The following SPRING1 variants were observed in gnomAD, a reference collection of about 807,000 sequenced individuals.
SPRING1 encodes SREBP regulating gene protein.
SPRING1 carries 14 observed loss-of-function variants against 24.7 expected under a neutral mutation model. That is an observed-to-expected ratio of 0.57 (90% CI 0.37 to 0.88). The LOEUF (loss-of-function observed/expected upper bound fraction) is 0.88. Among genes scored for constraint, SPRING1 ranks in the 40% least tolerant of loss-of-function variants. The pLI, the probability that SPRING1 is intolerant of heterozygous loss-of-function variation, is 0.00. For missense variants in SPRING1, 255 were observed against 268.4 expected (o/e 0.95, Z 0.35); for synonymous variants, 93 against 106.1 (o/e 0.88, Z 0.76).
chr12:116,720,765 T>C lies in SPRING1; in HGVS notation c.269-318A>G, dbSNP rs1278845062. ...ACGGCTACGTTCTCCTATTCTAACC[T>C]ATGCAAGCCAACGTCTCATCTGTGC... On this transcript the variant is annotated intron_variant, in intron 2 of 4. Transcript: ENST00000261318. This position sits in a 1 kb window ranked among gnomAD's most constrained non-coding sequence, Gnocchi z 4.0. 6.6e-6 allele frequency among the ~76,000 whole-genome samples: 1 copy of C among 152,186 alleles called. No homozygotes were observed. The highest frequency in any genetic ancestry group is 1.9e-4 in the East Asian group (1 of 5,190).
At chr12:116,719,987 G>A (rs1404855270) in intron 3 of SPRING1, 111 bp from the exon 4 acceptor site, 2 of 973,724 alleles carry the variant, frequency 2.1e-6, no homozygotes, top group Non-Finnish European at 3.2e-6. Flanking sequence ...GGGGGAAGAG[G>A]AGGAGAAAAG....
In SPRING1 at chr12:116,720,136, T is replaced by A; in HGVS notation, c.420+160A>T. 1.0e-6 allele frequency: 1 copy of A among 968,622 alleles called. No homozygotes were observed. Among genetic ancestry groups the A allele is most frequent in the African/African-American group, 1.7e-5 (1 of 60,464 alleles). The allele number at this position is 968,622 out of a possible 1,614,324, so 60.0% of individuals were successfully genotyped here. A position where few individuals can be genotyped will look rare whatever the true frequency, so the allele number is the denominator to read the frequency against. On this transcript the variant is annotated intron_variant, in intron 3 of 4. Transcript: ENST00000261318. The surrounding 1 kb of genome is among the most constrained non-coding windows in gnomAD (Gnocchi z 4.0). ...TTCAAGCAACTGGGAACCACCTCCT[T>A]TCCTTAGATAAAAGCTATTGTGCAG...
chr12:116,736,039 T>TAA (rs34397599), intron 1 of SPRING1, among the ~76,000 whole-genome samples: 28 of 35,594 alleles, frequency 7.9e-4, no homozygotes, highest in African/African-American at 2.8e-3. Flanking sequence ...ACTCAGTCTT[T>TAA]AAAAAAAAAA....
rs1026053843 is a variant in SPRING1, at chr12:116,728,199, C to T, written c.112-4976G>A. Among the ~76,000 whole-genome samples the T allele has an allele frequency of 1.3e-5, 2 of 152,116 alleles. No homozygotes were observed. Among genetic ancestry groups the T allele is most frequent in the Non-Finnish European group, 2.9e-5 (2 of 68,020 alleles). On this transcript the variant is annotated intron_variant, in intron 1 of 4. Transcript: ENST00000261318. The surrounding 1 kb of genome is among the most constrained non-coding windows in gnomAD (Gnocchi z 4.2). ...GTCAAATGCCTCGCATAGTTAGGCCCGCCCTGCCACTAGATCATGTCATCC... is the reference window on the plus strand; with the variant it reads ...GTCAAATGCCTCGCATAGTTAGGCCTGCCCTGCCACTAGATCATGTCATCC...
In SPRING1 at chr12:116,716,019, C is replaced by G. The variant is rs909058263; in HGVS notation, c.*1791G>C. On this transcript the variant is annotated 3_prime_UTR_variant, in exon 5 of 5. Transcript: ENST00000261318. ...AGGAGAGGCTGATTCCAATGTCAACCCAGGGAAGACAGACACTGAAATTCC... is the reference window on the plus strand; with the variant it reads ...AGGAGAGGCTGATTCCAATGTCAACGCAGGGAAGACAGACACTGAAATTCC... 1.1e-4 allele frequency: 16 copies of G among 152,082 alleles called. No homozygotes were observed. The highest frequency in any genetic ancestry group is 3.9e-4 in the African/African-American group (16 of 41,380). 9.4% of individuals were successfully genotyped at this position (152,082 alleles called of 1,614,324 possible).
intron 1 of SPRING1, among the ~76,000 whole-genome samples, chr12:116,726,793 G>C (rs1870717162): frequency 6.6e-6 from 1 of 152,158 alleles, no homozygotes. Context: ...TTTACGACAA[G>C]GTTAAAAGTG....
At position 116,716,303 on chromosome 12, in the gene SPRING1, A is replaced by G. The variant is rs560787099; in HGVS notation, c.*1507T>C. The G allele has an allele frequency of 3.3e-5, 5 of 152,336 alleles. No homozygotes were observed. The highest frequency in any genetic ancestry group is 1.9e-4 in the East Asian group (1 of 5,184). The allele number at this position is 152,336 out of a possible 1,614,324, so 9.4% of individuals were successfully genotyped here. A position where few individuals can be genotyped will look rare whatever the true frequency, so the allele number is the denominator to read the frequency against. On this transcript the variant is annotated 3_prime_UTR_variant, in exon 5 of 5. Transcript: ENST00000261318. ...GAGGAAGCTAAGGGAAATCACCACTACATATTGCAGGAATGTATTAGAAGG... is the reference window on the plus strand; with the variant it reads ...GAGGAAGCTAAGGGAAATCACCACTGCATATTGCAGGAATGTATTAGAAGG...
At chr12:116,725,933 T>C (rs1870668016) in intron 1 of SPRING1, among the ~76,000 whole-genome samples, 1 of 151,972 alleles carries the variant, frequency 6.6e-6, no homozygotes, top group Non-Finnish European at 1.5e-5. Context: ...ATTCAAAAAA[T>C]TGTTTGAAAA....
chr12:116,737,389 G>C (rs1165772739), intron 1 of SPRING1, among the ~76,000 whole-genome samples: 1 of 151,546 alleles, frequency 6.6e-6, no homozygotes, highest in Non-Finnish European at 1.5e-5. Context: ...AGGGAGTAAA[G>C]GAAGAAGGAA....
intron 4 of SPRING1, among the ~76,000 whole-genome samples, chr12:116,719,378 A>G (rs1870308324): frequency 1.3e-5 from 2 of 152,184 alleles, no homozygotes; most frequent in African/African-American, 4.8e-5. Flanking sequence ...ACAAATTGCT[A>G]CTTACTCTAA....
intron 4 of SPRING1, among the ~76,000 whole-genome samples, chr12:116,719,455 T>C (rs1476385441): frequency 1.3e-5 from 2 of 152,206 alleles, no homozygotes; most frequent in East Asian, 3.8e-4. Flanking sequence ...TCTTAGAAGC[T>C]GACTATTAGG....
At chr12:116,725,800 G>C (rs1870660437) in intron 1 of SPRING1, among the ~76,000 whole-genome samples, 1 of 151,986 alleles carries the variant, frequency 6.6e-6, no homozygotes, top group Non-Finnish European at 1.5e-5. Flanking sequence ...GCAGGAGAAT[G>C]GCATGAACCC....
At chr12:116,731,544 C>A (rs2137044061) in intron 1 of SPRING1, among the ~76,000 whole-genome samples, 1 of 152,078 alleles carries the variant, frequency 6.6e-6, no homozygotes, top group African/African-American at 2.4e-5. Context: ...AGGAGTTGGA[C>A]ACCAGCCTGG....
rs571613576 is a variant in SPRING1, at chr12:116,711,622, T to C, written c.*6188A>G. 6.6e-6 allele frequency: 1 copy of C among 152,324 alleles called. No homozygotes were observed. Among genetic ancestry groups the C allele is most frequent in the South Asian group, 2.1e-4 (1 of 4,820 alleles). The allele number at this position is 152,324 out of a possible 1,614,324, so 9.4% of individuals were successfully genotyped here. Reference sequence around the variant, plus strand: ...TGATTTCTCATTTAGACAACACTTTTTTCCCCTCCTCAGACAGGGTCTCAC... The same window carrying C: ...TGATTTCTCATTTAGACAACACTTTCTTCCCCTCCTCAGACAGGGTCTCAC... On this transcript the variant is annotated 3_prime_UTR_variant, in exon 5 of 5. Coordinates refer to ENST00000261318, the MANE Select transcript of SPRING1 (RefSeq NM_024738.4).
Position 116,720,384 on chromosome 12 carries a change from G to C in SPRING1, c.332C>G (p.Thr111Arg), listed in dbSNP as rs752437374. The C allele has an allele frequency of 1.3e-5, 21 of 1,614,074 alleles. No homozygotes were observed. Among genetic ancestry groups the C allele is most frequent in the Non-Finnish European group, 1.6e-5 (19 of 1,180,040 alleles). ...GCAGCCATCACAGCAGTACTGCTTC[G>C]TGCTAGGGACGTTGACATTACAGCA... is the stretch of plus-strand genomic sequence containing the variant. The part of the protein sequence containing the change: ...NGCCNVNVPS[T>R]KQYCCDGCWP... The change falls in exon 3 of 5, where the codon ACG becomes AGG. Residue 111 changes from threonine to arginine, a missense_variant. By Grantham distance (71) the Thr-to-Arg change is moderately conservative. Coordinates refer to ENST00000261318, the MANE Select transcript of SPRING1 (RefSeq NM_024738.4). This position sits in a 1 kb window ranked among gnomAD's most constrained non-coding sequence, Gnocchi z 4.0.
At position 116,717,770 on chromosome 12, in the gene SPRING1, G is replaced by A. The variant is rs939883851; in HGVS notation, c.*40C>T. 6.6e-7 allele frequency: 1 copy of A among 1,525,384 alleles called. No homozygotes were observed. 94.5% of individuals were successfully genotyped at this position (1,525,384 alleles called of 1,614,324 possible). On this transcript the variant is annotated 3_prime_UTR_variant, in exon 5 of 5. Transcript: ENST00000261318. This position sits in a 1 kb window ranked among gnomAD's most constrained non-coding sequence, Gnocchi z 4.2. ...GTCCCAGGAGGCGAGTTCTTCAGCG[G>A]GGCCTCCTCACCCAGGCTGGAGCAA...
At chr12:116,721,344 A>C (rs1232161610) in intron 2 of SPRING1, among the ~76,000 whole-genome samples, 1 of 152,234 alleles carries the variant, frequency 6.6e-6, no homozygotes, top group Non-Finnish European at 1.5e-5. Flanking sequence ...ACAGGTGCAG[A>C]GCAGCTGCTC....
chr12:116,710,829 G>T lies in SPRING1; in HGVS notation c.*6981C>A, dbSNP rs533009575. The T allele has an allele frequency of 1.3e-5, 2 of 152,256 alleles. No individual in the cohort carries two copies. The highest frequency in any genetic ancestry group is 4.1e-4 in the South Asian group (2 of 4,834). 9.4% of individuals were successfully genotyped at this position (152,256 alleles called of 1,614,324 possible). A position where few individuals can be genotyped will look rare whatever the true frequency, so the allele number is the denominator to read the frequency against. Reference sequence around the variant, plus strand: ...TCTGGTCTTGCTTTAACAGCCAGGGGGACTTTTGGCTTGTTACAAAAATTG... The same window carrying T: ...TCTGGTCTTGCTTTAACAGCCAGGGTGACTTTTGGCTTGTTACAAAAATTG... On this transcript the variant is annotated 3_prime_UTR_variant, in exon 5 of 5. Transcript: ENST00000261318.
chr12:116,717,778 T>C lies in SPRING1; in HGVS notation c.*32A>G, dbSNP rs1320076696. On this transcript the variant is annotated 3_prime_UTR_variant, in exon 5 of 5. Transcript: ENST00000261318. The surrounding 1 kb of genome is among the most constrained non-coding windows in gnomAD (Gnocchi z 4.2). Reference sequence around the variant, plus strand: ...AGGCGAGTTCTTCAGCGGGGCCTCCTCACCCAGGCTGGAGCAAGTCCGCTG... The same window carrying C: ...AGGCGAGTTCTTCAGCGGGGCCTCCCCACCCAGGCTGGAGCAAGTCCGCTG... The C allele has an allele frequency of 1.3e-6, 2 of 1,548,550 alleles. No individual in the cohort carries two copies. Among genetic ancestry groups the C allele is most frequent in the South Asian group, 2.3e-5 (2 of 85,470 alleles).
Sources: gnomAD v4.1 joint callset for allele counts (sites outside exome capture counted in the v4.1 genomes callset) on GRCh38, gnomAD v4.1.1 for gene constraint, Gnocchi (gnomAD v3.1) non-coding constraint, MANE v1.5 for transcripts, NCBI Gene and HGNC (gene_info 2026-07-23, HGNC 2026-07-21) for gene names.